Variants in MACROD2 observed in about 807,000 individuals in gnomAD.
The protein encoded by MACROD2 is ADP-ribose glycohydrolase MACROD2.
A neutral mutation model predicts 70.4 loss-of-function variants in MACROD2; 36 were observed. The observed-to-expected ratio is 0.51, with a 90% CI of 0.39 to 0.68. The LOEUF (loss-of-function observed/expected upper bound fraction) is 0.68, where lower values mean the gene tolerates loss of function less well. Among genes scored for constraint, MACROD2 ranks in the 30% least tolerant of loss-of-function variants. The pLI, the probability that MACROD2 is intolerant of heterozygous loss-of-function variation, is 0.00. For missense variants in MACROD2, 496 were observed against 538.4 expected (o/e 0.92, Z 0.78); for synonymous variants, 172 against 178.8 (o/e 0.96, Z 0.30).
At chr20:14,273,937 T>G (rs1169275694) in intron 3 of MACROD2, among the ~76,000 whole-genome samples, 1 of 152,000 alleles carries the variant, frequency 6.6e-6, no homozygotes, top group Non-Finnish European at 1.5e-5. Flanking sequence ...CTCCCAAGAC[T>G]AAACCAGGAA....
intron 10 of MACROD2, among the ~76,000 whole-genome samples, chr20:15,927,964 G>A (rs1363268415): frequency 6.6e-6 from 1 of 152,158 alleles, no homozygotes; most frequent in East Asian, 1.9e-4. Flanking sequence ...CTCTGTCCCA[G>A]ACTACTGTGA....
chr20:14,094,486 T>C (rs1286889645), intron 3 of MACROD2, among the ~76,000 whole-genome samples: 1 of 152,086 alleles, frequency 6.6e-6, no homozygotes, highest in East Asian at 1.9e-4. Flanking sequence ...CTCTTTTTCT[T>C]GAAGTAATGG....
chr20:14,443,127 AC>A (rs1353528185), intron 3 of MACROD2, among the ~76,000 whole-genome samples: 1 of 151,444 alleles, frequency 6.6e-6, no homozygotes, highest in Non-Finnish European at 1.5e-5. Flanking sequence ...GGTAATACTG[AC>A]CCTGCCACAG....
At chr20:15,651,204 G>A (rs1307620763) in intron 8 of MACROD2, among the ~76,000 whole-genome samples, 1 of 152,210 alleles carries the variant, frequency 6.6e-6, no homozygotes, top group Non-Finnish European at 1.5e-5. Flanking sequence ...CCATGCAATG[G>A]TTGATGCCAA....
intron 3 of MACROD2, among the ~76,000 whole-genome samples, chr20:14,147,818 A>G (rs1320852470): frequency 2.6e-5 from 4 of 151,966 alleles, no homozygotes; most frequent in Non-Finnish European, 5.9e-5. Flanking sequence ...GGTTTGCTGT[A>G]TTTCTTTTTA....
chr20:15,102,158 T>C (rs183506985), intron 5 of MACROD2, among the ~76,000 whole-genome samples: 38 of 151,856 alleles, frequency 2.5e-4, no homozygotes, highest in Admixed American at 2.2e-3. Context: ...ATAGATAAAA[T>C]TGATAAATAC....
chr20:15,597,018 T>C (rs1033510848), intron 8 of MACROD2, among the ~76,000 whole-genome samples: 1 of 152,222 alleles, frequency 6.6e-6, no homozygotes, highest in Non-Finnish European at 1.5e-5. Flanking sequence ...AGGAAAGGTA[T>C]GATCCCTTAA....
intron 13 of MACROD2, among the ~76,000 whole-genome samples, chr20:15,982,884 C>T (rs2066421829): frequency 6.7e-6 from 1 of 150,280 alleles, no homozygotes; most frequent in South Asian, 2.1e-4. Flanking sequence ...CCGTTGCTAC[C>T]AGGGCGCTTG....
rs148585902 is a variant in MACROD2, at chr20:15,569,269, T to G, written c.645+69422T>G. ...AAAAATGTTCACTTTTATTTCTTAA[T>G]TATTTTTTAATTGACAGATAAAATT... On this transcript the variant is annotated intron_variant, in intron 8 of 17. Coordinates refer to ENST00000684519, the MANE Select transcript of MACROD2 (RefSeq NM_001351661.2). Among the ~76,000 whole-genome samples, 1,349 of 152,308 alleles carry G rather than the reference T, an allele frequency of 8.9e-3. 21 individuals carry two copies. Among genetic ancestry groups the G allele is most frequent in the South Asian group, 0.059 (286 of 4,822 alleles).
chr20:14,649,117 C>T (rs1017320620), intron 4 of MACROD2, among the ~76,000 whole-genome samples: 2 of 152,172 alleles, frequency 1.3e-5, no homozygotes, highest in Admixed American at 6.6e-5. Context: ...CTTCTACCCC[C>T]CTGCCCAGTT....
At chr20:15,832,577 G>A (rs184827689) in intron 8 of MACROD2, among the ~76,000 whole-genome samples, 11 of 152,204 alleles carry the variant, frequency 7.2e-5, no homozygotes, top group Admixed American at 5.9e-4. Context: ...AAAGAGAGAG[G>A]AAAAAACACC....
intron 4 of MACROD2, among the ~76,000 whole-genome samples, chr20:14,530,469 G>A (rs962380234): frequency 6.6e-6 from 1 of 152,126 alleles, no homozygotes; most frequent in Non-Finnish European, 1.5e-5. Flanking sequence ...AAAGCTGTGT[G>A]ATTTATGTAT....
intron 3 of MACROD2, among the ~76,000 whole-genome samples, chr20:14,141,747 GAAAAAAAAAAAAAAAA>G (rs3043659): frequency 1.5e-5 from 1 of 66,830 alleles, no homozygotes; most frequent in Non-Finnish European, 2.6e-5. Context: ...CTCCATCTCA[GAAAAAAAAAAAAAAAA>G]AAAAAAAAAA....
chr20:14,281,950 A>AG (rs2082310231), intron 3 of MACROD2, among the ~76,000 whole-genome samples: 1 of 150,742 alleles, frequency 6.6e-6, no homozygotes, highest in East Asian at 1.9e-4. Context: ...AAAAAAAAAA[A>AG]AGAAAAGAAA....
At chr20:15,652,588 C>T (rs557331550) in intron 8 of MACROD2, among the ~76,000 whole-genome samples, 25 of 152,156 alleles carry the variant, frequency 1.6e-4, no homozygotes, top group Non-Finnish European at 3.5e-4. Flanking sequence ...ACACTATTAA[C>T]ATTTGGGCAT....
intron 8 of MACROD2, among the ~76,000 whole-genome samples, chr20:15,676,727 A>G (rs1423873793): frequency 6.6e-6 from 1 of 152,196 alleles, no homozygotes; most frequent in Non-Finnish European, 1.5e-5. Flanking sequence ...TTCAATGGAC[A>G]TGTTTTGGCT....
intron 6 of MACROD2, among the ~76,000 whole-genome samples, chr20:15,310,825 A>T (rs1240648609): frequency 6.6e-6 from 1 of 152,320 alleles, no homozygotes; most frequent in East Asian, 1.9e-4. Context: ...AGGAAATTTC[A>T]TCCAAACAGG....
intron 3 of MACROD2, among the ~76,000 whole-genome samples, chr20:14,437,696 T>A (rs563114426): frequency 1.3e-5 from 2 of 152,352 alleles, no homozygotes; most frequent in South Asian, 4.1e-4. Context: ...AAAATTGAAG[T>A]CATAGAATTT....
chr20:13,995,852 T>TGGGGGGGGGGGGGGGGGGGGGG lies in MACROD2; in HGVS notation c.46+43_46+44insGGGGGGGGGGGGGGGGGGGGGG. The TGGGGGGGGGGGGGGGGGGGGGG allele has an allele frequency of 1.3e-6, 1 of 782,422 alleles. No homozygotes were observed. The highest frequency in any genetic ancestry group is 2.0e-6 in the Non-Finnish European group (1 of 496,728). The allele number at this position is 782,422 out of a possible 1,614,324, so 48.5% of individuals were successfully genotyped here. A position where few individuals can be genotyped will look rare whatever the true frequency, so the allele number is the denominator to read the frequency against. On this transcript the variant is annotated intron_variant, in intron 1 of 17. Coordinates refer to ENST00000684519, the MANE Select transcript of MACROD2 (RefSeq NM_001351661.2). The surrounding 1 kb of genome is among the most constrained non-coding windows in gnomAD (Gnocchi z 4.3). ...TCCTGGGGGTGCGGGCGGTGGGGGT[T>TGGGGGGGGGGGGGGGGGGGGGG]AGGGTGGGGGCGGGGGTCAGGCTGT...
Sources: allele counts gnomAD v4.1 joint callset (sites outside exome capture counted in the v4.1 genomes callset), GRCh38; gene constraint gnomAD v4.1.1; non-coding constraint Gnocchi (gnomAD v3.1); transcripts MANE v1.5; gene names NCBI Gene and HGNC (gene_info 2026-07-23, HGNC 2026-07-21).